The following DLGAP2 variants were observed in gnomAD, a reference collection of about 807,000 sequenced individuals.
DLGAP2 encodes the protein disks large-associated protein 2.
Under a neutral mutation model 100.3 loss-of-function variants are expected in DLGAP2, and 26 were observed. That is an observed-to-expected ratio of 0.26 (90% CI 0.19 to 0.36). DLGAP2 has a LOEUF of 0.36. Among genes scored for constraint, DLGAP2 ranks in the 10% least tolerant of loss-of-function variants. The pLI, the probability that DLGAP2 is intolerant of heterozygous loss-of-function variation, is 1.00. For synonymous variants in DLGAP2, 886 were observed against 630.1 expected (o/e 1.41, Z -6.08); for missense variants, 1,858 against 1,453.2 (o/e 1.28, Z -4.53).
intron 2 of DLGAP2, among the ~76,000 whole-genome samples, chr8:1,153,045 T>C (rs567335910): frequency 1.3e-5 from 2 of 152,358 alleles, no homozygotes; most frequent in South Asian, 4.1e-4. Flanking sequence ...TAAGATTCTT[T>C]TAAAAGACAG....
chr8:897,540 T>C (rs2128996746), intron 1 of DLGAP2, among the ~76,000 whole-genome samples: 1 of 152,334 alleles, frequency 6.6e-6, no homozygotes, highest in Middle Eastern at 3.4e-3. Context: ...TCTCATCTAA[T>C]AAACATGGGC....
intron 1 of DLGAP2, among the ~76,000 whole-genome samples, chr8:816,284 T>TC (rs1196012060): frequency 6.6e-6 from 1 of 152,020 alleles, no homozygotes; most frequent in East Asian, 1.9e-4. Flanking sequence ...GGTTTTTTTT[T>TC]TTTTCATTGC....
intron 12 of DLGAP2, among the ~76,000 whole-genome samples, chr8:1,684,582 A>G (rs182294518): frequency 6.6e-6 from 1 of 152,148 alleles, no homozygotes; most frequent in Admixed American, 6.5e-5. Context: ...GATTGAATGA[A>G]TCTAGATTCA....
chr8:1,231,105 C>T (rs1435722544), intron 2 of DLGAP2, among the ~76,000 whole-genome samples: 1 of 151,912 alleles, frequency 6.6e-6, no homozygotes, highest in Non-Finnish European at 1.5e-5. Context: ...AAGCTATGGT[C>T]TAATACACAG....
chr8:1,357,533 G>C (rs1054966797), intron 3 of DLGAP2, among the ~76,000 whole-genome samples: 3 of 152,006 alleles, frequency 2.0e-5, no homozygotes, highest in Admixed American at 6.6e-5. Context: ...TAGTGAGACA[G>C]CAAATATTTC....
At chr8:1,580,514 C>G (rs566239439) in intron 6 of DLGAP2, among the ~76,000 whole-genome samples, 1 of 152,316 alleles carries the variant, frequency 6.6e-6, no homozygotes, top group African/African-American at 2.4e-5. Context: ...ACACATAGAA[C>G]CTGAATCCCA....
intron 3 of DLGAP2, chr8:1,259,709 A>G (rs56308607): frequency 0.41 from 62,870 of 151,928 alleles, 13,350 homozygotes; most frequent in Admixed American, 0.51. Flanking sequence ...TGACTCTAAA[A>G]GCCGAATACT....
chr8:960,345 C>T (rs1481059769), intron 2 of DLGAP2, among the ~76,000 whole-genome samples: 5 of 148,018 alleles, frequency 3.4e-5, no homozygotes, highest in South Asian at 2.2e-4. Flanking sequence ...AATCGATTCT[C>T]GTGCCTCAGC....
intron 1 of DLGAP2, among the ~76,000 whole-genome samples, chr8:862,448 A>G (rs965808915): frequency 6.6e-6 from 1 of 151,932 alleles, no homozygotes; most frequent in African/African-American, 2.4e-5. Context: ...GACTACAGGC[A>G]CCCACCACCT....
chr8:1,043,660 A>T (rs1269453398), intron 2 of DLGAP2, among the ~76,000 whole-genome samples: 1 of 152,018 alleles, frequency 6.6e-6, no homozygotes, highest in Non-Finnish European at 1.5e-5. Flanking sequence ...CTGCCTTTTC[A>T]GGGAGGGCTT....
chr8:1,385,176 A>C (rs11993327), intron 3 of DLGAP2, among the ~76,000 whole-genome samples: 2 of 12,538 alleles, frequency 1.6e-4, no homozygotes, highest in Admixed American at 8.5e-4. Flanking sequence ...ACCCCGGCCT[A>C]TGCCCGTCCC....
At chr8:1,610,830 C>A (rs1276220612) in intron 6 of DLGAP2, among the ~76,000 whole-genome samples, 6 of 145,598 alleles carry the variant, frequency 4.1e-5, no homozygotes, top group Non-Finnish European at 8.9e-5. Context: ...TGTCCCAAGA[C>A]TAAACCAGGA....
Position 894,221 on chromosome 8 carries a change from C to T in DLGAP2, c.19-13691C>T, listed in dbSNP as rs141763306. ...CAGCCTCCCTGCAGCCTGAGGTGGA[C>T]ACGGAATGAGTGATCTTTGTGGCTT... On this transcript the variant is annotated intron_variant, in intron 1 of 14. Transcript: ENST00000637795. Among the ~76,000 whole-genome samples the T allele has an allele frequency of 7.0e-3, 1,069 of 152,232 alleles. 13 individuals carry two copies. The highest frequency in any genetic ancestry group is 0.025 in the African/African-American group (1,031 of 41,552).
intron 3 of DLGAP2, among the ~76,000 whole-genome samples, chr8:1,411,468 T>C (rs537896459): frequency 6.6e-6 from 1 of 152,208 alleles, no homozygotes; most frequent in African/African-American, 2.4e-5. Flanking sequence ...GCCGAAGATA[T>C]AACTCCATCC....
chr8:1,095,053 C>G (rs755461030), intron 2 of DLGAP2, among the ~76,000 whole-genome samples: 1 of 150,984 alleles, frequency 6.6e-6, no homozygotes, highest in African/African-American at 2.4e-5. Flanking sequence ...ACAGCCTGCA[C>G]TGGCGTGGAC....
chr8:1,097,533 C>G (rs6986333), intron 2 of DLGAP2, among the ~76,000 whole-genome samples: 3,466 of 113,182 alleles, frequency 0.031, 6 homozygotes, highest in African/African-American at 0.1. Flanking sequence ...GTGAGACCCA[C>G]CTCCCTCTGC....
intron 1 of DLGAP2, among the ~76,000 whole-genome samples, chr8:846,849 T>C (rs897501032): frequency 3.9e-5 from 6 of 152,202 alleles, no homozygotes; most frequent in African/African-American, 1.4e-4. Context: ...ATTTTCCCAG[T>C]GATGAGTGAT....
intron 1 of DLGAP2, chr8:740,506 CTT>C (rs1336737884): frequency 6.6e-6 from 1 of 152,206 alleles, no homozygotes; most frequent in Non-Finnish European, 1.5e-5. Context: ...TATTGCTTCT[CTT>C]ATTTGTGTCT....
At chr8:777,197 T>G (rs1446935284) in intron 1 of DLGAP2, among the ~76,000 whole-genome samples, 3 of 152,038 alleles carry the variant, frequency 2.0e-5, no homozygotes, top group Admixed American at 6.6e-5. Context: ...GTTTTCCATT[T>G]GCTTGGTAGA....
Sources: allele counts gnomAD v4.1 joint callset (sites outside exome capture counted in the v4.1 genomes callset), GRCh38; gene constraint gnomAD v4.1.1; transcripts MANE v1.5; gene names NCBI Gene and HGNC (gene_info 2026-07-23, HGNC 2026-07-21).